CTNNA2: variants seen among roughly 807,000 people sequenced by gnomAD.
CTNNA2 encodes the protein catenin alpha-2.
In CTNNA2, 42 loss-of-function variants were observed where a neutral mutation model predicts 101.0. The observed-to-expected ratio is 0.42, with a 90% CI of 0.32 to 0.54. The LOEUF is 0.54. CTNNA2 is among the 20% of genes least tolerant of loss of function. The probability of loss-of-function intolerance (pLI) is 0.14; values close to 1 mark genes in which losing one functional copy is unlikely to be tolerated. For missense variants in CTNNA2, 871 were observed against 1,223.1 expected (o/e 0.71, Z 4.29); for synonymous variants, 450 against 456.4 (o/e 0.99, Z 0.18).
At chr2:79,302,532 C>G (rs529620598) in intron 2 of CTNNA2, among the ~76,000 whole-genome samples, 1 of 152,148 alleles carries the variant, frequency 6.6e-6, no homozygotes, top group Non-Finnish European at 1.5e-5. Context: ...CTTTTCCTGA[C>G]CAAGAAATAT....
intron 9 of CTNNA2, among the ~76,000 whole-genome samples, chr2:80,427,369 C>T (rs1002187541): frequency 5.9e-5 from 9 of 152,152 alleles, no homozygotes; most frequent in African/African-American, 1.9e-4. Context: ...CTGTTTGCTA[C>T]GAGGCTCCCT....
chr2:79,786,357 G>T lies in CTNNA2; in HGVS notation c.298+41775G>T, dbSNP rs138483678. Among the ~76,000 whole-genome samples the T allele has an allele frequency of 1.9e-3, 282 of 152,132 alleles. 1 individual carries two copies. In the Middle Eastern group the frequency reaches 0.061, roughly 33 times the overall value. ...GCTGATAAATTTTCCAATAGAAAAT[G>T]ACCTTTTTCCCCCAATTTTATGCAT... On this transcript the variant is annotated intron_variant, in intron 3 of 18. Transcript: ENST00000402739.
chr2:79,766,367 T>C (rs1484119635), intron 3 of CTNNA2, among the ~76,000 whole-genome samples: 1 of 152,240 alleles, frequency 6.6e-6, no homozygotes, highest in Non-Finnish European at 1.5e-5. Context: ...TCCTGGCTTG[T>C]AAGGTTTCCA....
chr2:79,324,072 C>A (rs1027855229), intron 3 of CTNNA2, among the ~76,000 whole-genome samples: 14 of 152,216 alleles, frequency 9.2e-5, no homozygotes, highest in Non-Finnish European at 1.6e-4. Context: ...TGAGTCCATG[C>A]ATTCAGTCCT....
intron 7 of CTNNA2, among the ~76,000 whole-genome samples, chr2:80,194,228 C>T (rs755825557): frequency 2.0e-5 from 3 of 152,124 alleles, no homozygotes; most frequent in Non-Finnish European, 4.4e-5. Context: ...AGTCAACATA[C>T]TAAATTATTA....
chr2:79,702,016 A>T (rs890502951), intron 2 of CTNNA2, among the ~76,000 whole-genome samples: 12 of 151,404 alleles, frequency 7.9e-5, no homozygotes, highest in African/African-American at 2.9e-4. Flanking sequence ...AAAAAAAAAA[A>T]AAAAAAGACT....
chr2:80,132,842 A>G (rs1242917565), intron 7 of CTNNA2, among the ~76,000 whole-genome samples: 1 of 152,192 alleles, frequency 6.6e-6, no homozygotes, highest in Non-Finnish European at 1.5e-5. Flanking sequence ...TTTGTATTCC[A>G]ATGTATTGTC....
intron 7 of CTNNA2, among the ~76,000 whole-genome samples, chr2:80,216,512 G>A (rs1359204246): frequency 1.3e-5 from 2 of 152,188 alleles, no homozygotes; most frequent in Non-Finnish European, 1.5e-5. Context: ...GGAGTTACTA[G>A]GTCGTGAGGG....
At chr2:80,422,238 T>A (rs1312314170) in intron 9 of CTNNA2, among the ~76,000 whole-genome samples, 2 of 152,042 alleles carry the variant, frequency 1.3e-5, no homozygotes, top group Non-Finnish European at 2.9e-5. Flanking sequence ...ACAGGGGAAG[T>A]CCCCTTTATA....
chr2:79,828,922 C>A (rs966179818), intron 3 of CTNNA2, among the ~76,000 whole-genome samples: 1 of 152,102 alleles, frequency 6.6e-6, no homozygotes, highest in Admixed American at 6.5e-5. Context: ...GTTTGAATTG[C>A]CCAGGTAAAC....
chr2:79,784,365 G>A (rs1488166403), intron 3 of CTNNA2, among the ~76,000 whole-genome samples: 2 of 151,676 alleles, frequency 1.3e-5, no homozygotes, highest in African/African-American at 2.4e-5. Flanking sequence ...GTAACACTCA[G>A]CCTGCAGGTA....
intron 4 of CTNNA2, among the ~76,000 whole-genome samples, chr2:79,383,946 A>AG (rs1428371933): frequency 6.6e-6 from 1 of 152,124 alleles, no homozygotes; most frequent in Non-Finnish European, 1.5e-5. Context: ...TAGGACAGAG[A>AG]GGGAAAGGAG....
chr2:79,838,195 ATTGAGGATTTAATGAAAG>A (rs1198270551), intron 3 of CTNNA2, among the ~76,000 whole-genome samples: 1 of 152,184 alleles, frequency 6.6e-6, no homozygotes, highest in Non-Finnish European at 1.5e-5. Flanking sequence ...TTAGTCTTTC[ATTGAGGATTTAATGAAAG>A]TTGAGGGTTT....
chr2:80,583,309 T>C (rs1444494703), intron 14 of CTNNA2, among the ~76,000 whole-genome samples: 1 of 152,186 alleles, frequency 6.6e-6, no homozygotes, highest in Non-Finnish European at 1.5e-5. Flanking sequence ...GATCACATGA[T>C]GGTGGGACAA....
chr2:79,820,155 C>G (rs1303459036), intron 3 of CTNNA2, among the ~76,000 whole-genome samples: 4 of 152,108 alleles, frequency 2.6e-5, no homozygotes, highest in Non-Finnish European at 4.4e-5. Flanking sequence ...CACACTGTTT[C>G]TAGGATTATC....
In CTNNA2 at chr2:79,231,495, G is replaced by A. The variant is rs113993688; in HGVS notation, c.-406+33419G>A. ...TTCTTTTGCCAATTGCCCAGTCTTGGGTATGTGTTTATCAGCAGTGTGAAA... is the reference window on the plus strand; with the variant it reads ...TTCTTTTGCCAATTGCCCAGTCTTGAGTATGTGTTTATCAGCAGTGTGAAA... On this transcript the variant is annotated intron_variant, in intron 2 of 21. Transcript: ENST00000466387. Among the ~76,000 whole-genome samples the A allele has an allele frequency of 3.7e-3, 566 of 152,220 alleles. 1 individual carries two copies. The highest frequency in any genetic ancestry group is 6.6e-3 in the Non-Finnish European group (448 of 68,034).
At chr2:79,895,769 G>A (rs1574254638) in intron 6 of CTNNA2, among the ~76,000 whole-genome samples, 1 of 147,494 alleles carries the variant, frequency 6.8e-6, no homozygotes, top group Middle Eastern at 3.8e-3. Flanking sequence ...GGACAGAAAT[G>A]TAACATATCA....
chr2:80,089,357 G>A lies in CTNNA2; in HGVS notation c.1056+179560G>A, dbSNP rs7595646. ...GCCAAAGAAAGGAGTCCCTAATAAA[G>A]CAAAGACATAAGTCAAAGGAAAACC... is the stretch of plus-strand genomic sequence containing the variant. On this transcript the variant is annotated intron_variant, in intron 7 of 18. Coordinates refer to ENST00000402739, the MANE Select transcript of CTNNA2 (RefSeq NM_001282597.3). Among the ~76,000 whole-genome samples, 386 of 152,022 alleles carry A rather than the reference G, an allele frequency of 2.5e-3. 4 individuals carry two copies. Among genetic ancestry groups the A allele is most frequent in the African/African-American group, 8.7e-3 (359 of 41,494 alleles).
intron 14 of CTNNA2, among the ~76,000 whole-genome samples, chr2:80,584,199 C>T (rs910471927): frequency 6.6e-6 from 1 of 152,080 alleles, no homozygotes; most frequent in Non-Finnish European, 1.5e-5. Flanking sequence ...ATTTGCTCTT[C>T]CCTGCAGCAA....
Sources: gnomAD v4.1 joint callset for allele counts (sites outside exome capture counted in the v4.1 genomes callset) on GRCh38, gnomAD v4.1.1 for gene constraint, MANE v1.5 for transcripts, NCBI Gene and HGNC (gene_info 2026-07-23, HGNC 2026-07-21) for gene names.